WDPCP: variants seen among roughly 807,000 people sequenced by gnomAD.
WDPCP encodes WD repeat-containing and planar cell polarity effector protein fritz homolog.
WDPCP carries 71 observed loss-of-function variants against 93.1 expected under a neutral mutation model. That is an observed-to-expected ratio of 0.76 (90% CI 0.63 to 0.93). The LOEUF is 0.93. Among genes scored for constraint, WDPCP ranks in the 40% least tolerant of loss-of-function variants. The pLI, the probability that WDPCP is intolerant of heterozygous loss-of-function variation, is 0.00. For synonymous variants in WDPCP, 315 were observed against 315.0 expected (o/e 1.00, Z 0.00); for missense variants, 844 against 887.4 (o/e 0.95, Z 0.62).
At chr2:63,832,251 T>C (rs1300480488), upstream of WDPCP, among the ~76,000 whole-genome samples, 1 of 152,230 alleles carries the variant, frequency 6.6e-6, no homozygotes, top group Non-Finnish European at 1.5e-5. Flanking sequence ...CTCTACTTCA[T>C]GTAGCTTGTC....
At chr2:63,637,983 T>G (rs1371459076) in intron 3 of WDPCP, among the ~76,000 whole-genome samples, 1 of 152,218 alleles carries the variant, frequency 6.6e-6, no homozygotes, top group Non-Finnish European at 1.5e-5. Flanking sequence ...ATATCTACAC[T>G]CTCATGTTCA....
chr2:63,579,631 G>GA (rs1178283373), intron 1 of WDPCP, among the ~76,000 whole-genome samples: 1 of 151,860 alleles, frequency 6.6e-6, no homozygotes, highest in Admixed American at 6.6e-5. Context: ...AAAAGAAAAA[G>GA]AAAAAATCAT....
chr2:63,215,018 G>A (rs1261042710), intron 14 of WDPCP, among the ~76,000 whole-genome samples: 1 of 152,164 alleles, frequency 6.6e-6, no homozygotes, highest in African/African-American at 2.4e-5. Flanking sequence ...CGGATAGGAA[G>A]AATCAATATC....
At chr2:63,536,441 C>T (rs577220496) in intron 1 of WDPCP, among the ~76,000 whole-genome samples, 28 of 151,988 alleles carry the variant, frequency 1.8e-4, no homozygotes, top group East Asian at 1.4e-3. Context: ...TTCACAATAG[C>T]GAAGACTTGG....
intron 10 of WDPCP, among the ~76,000 whole-genome samples, chr2:63,399,578 T>TGAGA (rs3835750): frequency 1.0e-4 from 11 of 108,664 alleles, no homozygotes; most frequent in East Asian, 3.2e-4. Context: ...AAGGAGAGAT[T>TGAGA]GAGAGAGAGA....
intron 3 of WDPCP, among the ~76,000 whole-genome samples, chr2:63,644,243 C>CT (rs1167296293): frequency 0.73 from 85,833 of 118,352 alleles, 32,364 homozygotes; most frequent in East Asian, 0.93. Context: ...TTCTCCTCTA[C>CT]TTTTTTTTTT....
chr2:63,523,359 G>A (rs774618157), intron 1 of WDPCP, among the ~76,000 whole-genome samples: 3 of 152,132 alleles, frequency 2.0e-5, no homozygotes, highest in Non-Finnish European at 4.4e-5. Flanking sequence ...CATACTGAAT[G>A]GGCAAAAGCT....
chr2:63,778,618 T>C (rs1241078645), intron 2 of WDPCP, among the ~76,000 whole-genome samples: 2 of 152,198 alleles, frequency 1.3e-5, no homozygotes, highest in African/African-American at 4.8e-5. Flanking sequence ...TCTTATGTTG[T>C]TCCTGTTATG....
chr2:63,292,005 C>T (rs1444347367), intron 13 of WDPCP, among the ~76,000 whole-genome samples: 9 of 149,388 alleles, frequency 6.0e-5, no homozygotes, highest in East Asian at 6.0e-4. Flanking sequence ...CGGTGGCGGG[C>T]GCCTGTAGTC....
upstream of WDPCP, chr2:63,593,615 A>G (rs1165475657): frequency 2.1e-6 from 1 of 471,506 alleles, no homozygotes; most frequent in African/African-American, 2.0e-5. Flanking sequence ...TCAGTGGACC[A>G]TTTCTCCATG....
At position 63,640,967 on chromosome 2, in the gene WDPCP, T is replaced by A. The variant is rs554733749; in HGVS notation, n.488+9692A>T. ...AACCATCCCCATCTTCCTCCTAACC[T>A]CCTACTAACCTTCCCAGTCCCTAGT... On this transcript the variant is annotated intron_variant and non_coding_transcript_variant, in intron 3 of 4. Transcript: ENST00000467687. Among the ~76,000 whole-genome samples, 322 of 152,314 alleles carry A rather than the reference T, an allele frequency of 2.1e-3. 1 individual carries two copies. The highest frequency in any genetic ancestry group is 3.6e-3 in the Admixed American group (55 of 15,304).
chr2:63,571,080 ATT>A (rs70965138), intron 1 of WDPCP, among the ~76,000 whole-genome samples: 38 of 149,690 alleles, frequency 2.5e-4, no homozygotes, highest in African/African-American at 8.1e-4. Flanking sequence ...AATTTTTGGT[ATT>A]TTTTTTTTTC....
chr2:63,751,924 C>T (rs1575764528), intron 2 of WDPCP: 2 of 678,714 alleles, frequency 2.9e-6, no homozygotes, highest in Non-Finnish European at 5.5e-6. Context: ...GCCATCCCCA[C>T]TGCCACCATA....
At chr2:63,649,218 T>C (rs1710083278) in intron 3 of WDPCP, among the ~76,000 whole-genome samples, 1 of 152,162 alleles carries the variant, frequency 6.6e-6, no homozygotes, top group Non-Finnish European at 1.5e-5. Flanking sequence ...ATGGGGAAAG[T>C]AGATCCCTAA....
At chr2:63,628,730 C>A (rs926460617) in intron 3 of WDPCP, among the ~76,000 whole-genome samples, 2 of 152,188 alleles carry the variant, frequency 1.3e-5, no homozygotes, top group African/African-American at 4.8e-5. Context: ...TCCTTTACAG[C>A]AGCTGCTCAA....
intron 1 of WDPCP, among the ~76,000 whole-genome samples, chr2:63,821,453 C>A (rs1671015888): frequency 6.6e-6 from 1 of 152,152 alleles, no homozygotes; most frequent in Non-Finnish European, 1.5e-5. Flanking sequence ...GAGTGTAGTA[C>A]AAATGAGGAG....
intron 10 of WDPCP, 49 bp from the exon 11 acceptor site, chr2:63,382,143 A>T (rs778002102): frequency 1.4e-5 from 21 of 1,550,934 alleles, no homozygotes; most frequent in Non-Finnish European, 1.1e-5. Flanking sequence ...ATAAAATAGA[A>T]TAACAAAAAG....
intron 2 of WDPCP, among the ~76,000 whole-genome samples, chr2:63,784,590 G>T (rs1558909938): frequency 6.6e-6 from 1 of 151,936 alleles, no homozygotes; most frequent in African/African-American, 2.4e-5. Context: ...GTGTGTGTGT[G>T]TGTGTGTGTG....
intron 3 of WDPCP, among the ~76,000 whole-genome samples, chr2:63,626,868 T>G (rs1709816038): frequency 6.6e-6 from 1 of 151,926 alleles, no homozygotes; most frequent in African/African-American, 2.4e-5. Context: ...GAAAAATATC[T>G]AATGTAGATG....
Sources: allele counts gnomAD v4.1 joint callset (sites outside exome capture counted in the v4.1 genomes callset), GRCh38; gene constraint gnomAD v4.1.1; transcripts MANE v1.5; gene names NCBI Gene and HGNC (gene_info 2026-07-23, HGNC 2026-07-21).